The following DNM2 variants were observed in gnomAD, a reference collection of about 807,000 sequenced individuals.
The protein encoded by DNM2 is dynamin-2.
In DNM2, 15 loss-of-function variants were observed where a neutral mutation model predicts 99.0. The ratio of observed to expected loss-of-function variants is 0.15; its 90% CI spans 0.10 to 0.23. The LOEUF (loss-of-function observed/expected upper bound fraction) is 0.23, where lower values mean the gene tolerates loss of function less well. Ranked by LOEUF, DNM2 falls within the 10% of genes least tolerant of loss-of-function variation. The probability of loss-of-function intolerance (pLI) is 1.00; values close to 1 mark genes in which losing one functional copy is unlikely to be tolerated. For synonymous variants in DNM2, 525 were observed against 481.2 expected (o/e 1.09, Z -1.19); for missense variants, 742 against 1,189.4 (o/e 0.62, Z 5.53).
chr19:10,784,120 A>G (rs1479652991), intron 6 of DNM2, among the ~76,000 whole-genome samples: 1 of 152,152 alleles, frequency 6.6e-6, no homozygotes, highest in Non-Finnish European at 1.5e-5. Flanking sequence ...GCTGTTTTCT[A>G]GCACCTTCCA....
Position 10,831,464 on chromosome 19 carries a change from G to T in DNM2, c.*417G>T. ...ATCCCCAGGCCTTGCTGGGGTGCAG[G>T]GGTATATCAACTTCCCATTAGCAGG... On this transcript the variant is annotated 3_prime_UTR_variant, in exon 21 of 21. Transcript: ENST00000389253. The surrounding 1 kb of genome is among the most constrained non-coding windows in gnomAD (Gnocchi z 4.3). 1.0e-6 allele frequency: 1 copy of T among 997,304 alleles called. No homozygotes were observed. The highest frequency in any genetic ancestry group is 1.2e-6 in the Non-Finnish European group (1 of 837,816). 61.8% of individuals were successfully genotyped at this position (997,304 alleles called of 1,614,324 possible).
intron 1 of DNM2, among the ~76,000 whole-genome samples, chr19:10,736,274 A>G (rs1345104918): frequency 6.6e-6 from 1 of 151,650 alleles, no homozygotes. Flanking sequence ...CAAAAAAAAA[A>G]AAAAAGAAAA....
intron 1 of DNM2, among the ~76,000 whole-genome samples, chr19:10,749,003 C>CAGCTCTTTG (rs1264072579): frequency 2.0e-5 from 3 of 152,328 alleles, no homozygotes; most frequent in African/African-American, 7.2e-5. Flanking sequence ...TGAGCCCTCC[C>CAGCTCTTTG]AGCCACATTC....
At chr19:10,761,069 A>C (rs540514356) in intron 2 of DNM2, among the ~76,000 whole-genome samples, 1 of 151,782 alleles carries the variant, frequency 6.6e-6, no homozygotes. Flanking sequence ...GCTCACTGCA[A>C]CATCCGCCTC....
At position 10,736,594 on chromosome 19, in the gene DNM2, T is replaced by C. The variant is rs1047326945; in HGVS notation, c.161+18191T>C. ...TGTATTAGTACGTGGAAAGCCACGG[T>C]ATTAGTTTTTTGTTTGTTTGTTTGT... On this transcript the variant is annotated intron_variant, in intron 1 of 20. Coordinates refer to ENST00000389253, the MANE Select transcript of DNM2 (RefSeq NM_001005361.3). 3.9e-5 allele frequency among the ~76,000 whole-genome samples: 6 copies of C among 152,114 alleles called. 1 individual carries two copies. Among genetic ancestry groups the C allele is most frequent in the Non-Finnish European group, 8.8e-5 (6 of 68,030 alleles).
chr19:10,814,437 C>T (rs1171438998), intron 15 of DNM2, among the ~76,000 whole-genome samples: 1 of 152,164 alleles, frequency 6.6e-6, no homozygotes. Context: ...GCACTCCAGC[C>T]TGGGCAACAA....
At chr19:10,718,543 CG>C (rs2068828261) in intron 1 of DNM2, 140 bp downstream of exon 1, 1 of 1,191,086 alleles carries the variant, frequency 8.4e-7, no homozygotes, top group South Asian at 3.4e-5. Flanking sequence ...GTCGGGGAGG[CG>C]GGCCCTGTGG....
intron 2 of DNM2, among the ~76,000 whole-genome samples, chr19:10,766,243 G>A (rs79896178): frequency 6.6e-5 from 10 of 152,324 alleles, no homozygotes; most frequent in East Asian, 5.8e-4. Flanking sequence ...TAGTGCCAGC[G>A]GGCACGTGAC....
In DNM2 at chr19:10,777,252, G is replaced by A. The variant is rs371308937; in HGVS notation, c.688+36G>A. On this transcript the variant is annotated intron_variant, in intron 5 of 20. Transcript: ENST00000389253. The stretch of plus-strand genomic sequence containing the variant: ...GGGGGTGCTGGGGAAGCAGGAGGAT[G>A]GGTGGGGTCCTTATCATTACTGAAA... The A allele has an allele frequency of 6.3e-5, 101 of 1,600,790 alleles. 1 individual carries two copies. In the African/African-American group the frequency reaches 1.3e-3, roughly 20 times the overall value.
rs573673768 is a variant in DNM2 at position 10,753,713 on chromosome 19, A to G, written c.162-6025A>G. Among the ~76,000 whole-genome samples, 144 of 149,176 alleles carry G rather than the reference A, an allele frequency of 9.7e-4. 1 individual carries two copies. The Middle Eastern group carries it at 0.01, about 11-fold the overall frequency. ...GCTCTTTGTTGTGCAAGCTGGTGCA[A>G]TGGCGCGATCTCAGCTCATTCCAAC... On this transcript the variant is annotated intron_variant, in intron 1 of 20. Coordinates refer to ENST00000389253, the MANE Select transcript of DNM2 (RefSeq NM_001005361.3).
In DNM2 at chr19:10,726,468, C is replaced by T. The variant is rs150430063; in HGVS notation, c.161+8065C>T. Among the ~76,000 whole-genome samples, 79 of 152,254 alleles carry T rather than the reference C, an allele frequency of 5.2e-4. 1 individual carries two copies. Among genetic ancestry groups the T allele is most frequent in the Admixed American group, 1.7e-3 (26 of 15,288 alleles). ...CTTGCTCTGGGGATACAGCCAGGAC[C>T]AGGACATGCAGGCACGCCCTGTTCC... On this transcript the variant is annotated intron_variant, in intron 1 of 20. Transcript: ENST00000389253.
chr19:10,724,412 C>T (rs575877863), intron 1 of DNM2, among the ~76,000 whole-genome samples: 3 of 152,214 alleles, frequency 2.0e-5, no homozygotes, highest in East Asian at 1.9e-4. Flanking sequence ...CTCCTGACTT[C>T]GTGATCCGCC....
intron 1 of DNM2, among the ~76,000 whole-genome samples, chr19:10,727,596 C>T (rs370942529): frequency 2.6e-4 from 39 of 151,860 alleles, no homozygotes; most frequent in African/African-American, 9.2e-4. Flanking sequence ...TCTCAAACCC[C>T]TGGGCTCAAG....
At chr19:10,729,154 G>A (rs2069209880) in intron 1 of DNM2, among the ~76,000 whole-genome samples, 2 of 68,802 alleles carry the variant, frequency 2.9e-5, no homozygotes, top group African/African-American at 6.1e-5. Flanking sequence ...GACAGAGCGA[G>A]ACTCCGTCTC....
Position 10,829,038 on chromosome 19 carries a change from G to T in DNM2, c.2061G>T (p.Thr687=), listed in dbSNP as rs149164657. The change falls in exon 19 of 21, where the codon ACG becomes ACT. Residue 687 remains threonine, a splice_region_variant and synonymous_variant. Transcript: ENST00000389253. ...CCCTCCCCAACCCCTGCCCGCAGACGAAGGCCTTCATCCACCACGAGCTGC... is the reference window on the plus strand; with the variant it reads ...CCCTCCCCAACCCCTGCCCGCAGACTAAGGCCTTCATCCACCACGAGCTGC... The part of the protein sequence containing the change: ...KTIMHLMINN[T]KAFIHHELLA... 1 of 1,612,722 alleles carries T rather than the reference G, an allele frequency of 6.2e-7. No homozygotes were observed.
At chr19:10,779,882 G>A (rs1024742952) in intron 5 of DNM2, among the ~76,000 whole-genome samples, 15 of 151,740 alleles carry the variant, frequency 9.9e-5, no homozygotes, top group Non-Finnish European at 2.2e-4. Flanking sequence ...TTGAACTCCT[G>A]ACCTCATGTG....
chr19:10,771,663 A>T (rs2070984712), intron 2 of DNM2, among the ~76,000 whole-genome samples: 1 of 152,054 alleles, frequency 6.6e-6, no homozygotes, highest in Non-Finnish European at 1.5e-5. Flanking sequence ...AACTCCCTTG[A>T]CTGGGACCCA....
intron 1 of DNM2, among the ~76,000 whole-genome samples, chr19:10,722,586 G>A (rs1434468700): frequency 3.3e-5 from 5 of 151,816 alleles, no homozygotes; most frequent in Non-Finnish European, 7.4e-5. Flanking sequence ...CTTGTGATCC[G>A]TCCACCTCGG....
chr19:10,796,873 C>G lies in DNM2; in HGVS notation c.1197-507C>G, dbSNP rs1433181429. On this transcript the variant is annotated intron_variant, in intron 9 of 20. Transcript: ENST00000389253. The surrounding 1 kb of genome is among the most constrained non-coding windows in gnomAD (Gnocchi z 5.6). ...CGCGGGCCTGGTTCCCAGGGCAGCA[C>G]GCTTTGGCCAAGCAGCTGAAATGCC... Among the ~76,000 whole-genome samples the G allele has an allele frequency of 6.6e-6, 1 of 152,164 alleles. No homozygotes were observed. The highest frequency in any genetic ancestry group is 1.5e-5 in the Non-Finnish European group (1 of 68,024).
Sources: gnomAD v4.1 joint callset for allele counts (sites outside exome capture counted in the v4.1 genomes callset) on GRCh38, gnomAD v4.1.1 for gene constraint, Gnocchi (gnomAD v3.1) non-coding constraint, MANE v1.5 for transcripts, NCBI Gene and HGNC (gene_info 2026-07-23, HGNC 2026-07-21) for gene names.